TAPBPL: variants seen among roughly 807,000 people sequenced by gnomAD.
The protein encoded by TAPBPL is TAP binding protein like.
A neutral mutation model predicts 44.8 loss-of-function variants in TAPBPL; 32 were observed. That is an observed-to-expected ratio of 0.71 (90% CI 0.54 to 0.96). The LOEUF (loss-of-function observed/expected upper bound fraction) is 0.96, where lower values mean the gene tolerates loss of function less well. Ranked by LOEUF, TAPBPL falls within the 40% of genes least tolerant of loss-of-function variation. TAPBPL has a pLI of 0.00. For synonymous variants in TAPBPL, 230 were observed against 240.7 expected (o/e 0.96, Z 0.41); for missense variants, 520 against 586.6 (o/e 0.89, Z 1.17).
rs764881277 is a variant in TAPBPL at position 6,458,688 on chromosome 12, GC to G, written c.951del (p.Thr318ProfsTer16). 1 of 1,614,142 alleles carries G rather than the reference GC, an allele frequency of 6.2e-7. No individual in the cohort carries two copies. Among genetic ancestry groups the G allele is most frequent in the South Asian group, 1.1e-5 (1 of 91,080 alleles). On this transcript the variant is annotated frameshift_variant, in exon 5 of 7. Transcript: ENST00000266556. LOFTEE classifies it high-confidence loss of function. ...RLSLANEALL[P>X]TLICDIAGYY... Reference sequence around the variant, plus strand: ...TGAGCTTGGCAAACGAAGCTCTGCTGCCCACCCTCATCTGCGACATTGCTGG... The same window carrying G: ...TGAGCTTGGCAAACGAAGCTCTGCTGCCACCCTCATCTGCGACATTGCTGG...
chr12:6,460,816 G>A (rs1949836888), intron 5 of TAPBPL, 39 bp from the exon 6 acceptor site: 1 of 1,606,220 alleles, frequency 6.2e-7, no homozygotes, highest in Admixed American at 1.7e-5. Flanking sequence ...CATGATTCCT[G>A]CGCACGATGA....
chr12:6,463,378 G>A (rs531264176), downstream of TAPBPL: 205 of 1,087,916 alleles, frequency 1.9e-4, no homozygotes, highest in Middle Eastern at 1.3e-3. The surrounding 1 kb of genome is among the most constrained non-coding windows in gnomAD (Gnocchi z 4.0). Flanking sequence ...AGGATCGGCC[G>A]GGCCCCAGGA....
In TAPBPL at chr12:6,452,228, G is replaced by C. The variant is rs1316235337; in HGVS notation, c.-21G>C. 1 of 1,565,726 alleles carries C rather than the reference G, an allele frequency of 6.4e-7. No individual in the cohort carries two copies. The highest frequency in any genetic ancestry group is 2.3e-5 in the East Asian group (1 of 43,206). The stretch of plus-strand genomic sequence containing the variant: ...TGTGGAGAAGGGCGGTGGGCAAGGA[G>C]GGAACTCGAGAGCAGCCTCCATGGG... On this transcript the variant is annotated 5_prime_UTR_variant, in exon 1 of 7. Transcript: ENST00000266556.
chr12:6,464,352 G>A (rs763594674), downstream of TAPBPL: 161 of 1,551,324 alleles, frequency 1.0e-4, no homozygotes, highest in Middle Eastern at 1.2e-3. Context: ...AATGGGTGAT[G>A]GAGAAGCCTG....
chr12:6,465,045 A>G (rs772791679), downstream of TAPBPL: 45 of 1,545,396 alleles, frequency 2.9e-5, no homozygotes, highest in Non-Finnish European at 3.9e-5. Context: ...GGGACAATGG[A>G]AAAAACCACC....
At chr12:6,452,413 G>A (rs1949574658) in intron 1 of TAPBPL, 101 bp downstream of exon 1, 1 of 1,486,636 alleles carries the variant, frequency 6.7e-7, no homozygotes, top group East Asian at 2.5e-5. Context: ...GGCCGGGGAT[G>A]ACCCCATCGC....
At position 6,458,871 on chromosome 12, in the gene TAPBPL, T is replaced by A. The variant is rs138882385; in HGVS notation, c.1131T>A (p.Gly377=). The part of the protein sequence containing the change: ...SSLTAEPGSA[G]ATYTCQVTHI... ...TCACCGCAGAACCTGGCTCTGCAGG[T>A]GCCACTTACACCTGCCAGGTCACAC... The change falls in exon 5 of 7, where the codon GGT becomes GGA. Residue 377 remains glycine, a synonymous_variant. Transcript: ENST00000266556. 3.1e-6 allele frequency: 5 copies of A among 1,614,024 alleles called. No homozygotes were observed.
chr12:6,457,548 G>A lies in TAPBPL; in HGVS notation c.708G>A (p.Gln236=), dbSNP rs894047719. The change falls in exon 4 of 7, where the codon CAG becomes CAA. Residue 236 remains glutamine, a synonymous_variant. Coordinates refer to ENST00000266556, the MANE Select transcript of TAPBPL (RefSeq NM_018009.5). ...GACTGCAGCACAAGGGCAGGGGTCAGTTGGTGTACAGCTGGACCGCAGGGC... is the reference window on the plus strand; with the variant it reads ...GACTGCAGCACAAGGGCAGGGGTCAATTGGTGTACAGCTGGACCGCAGGGC... ...EWRLQHKGRG[Q]LVYSWTAGQG... is the part of the protein sequence containing the mutation. 5 of 1,614,248 alleles carry A rather than the reference G, an allele frequency of 3.1e-6. No individual in the cohort carries two copies. Among genetic ancestry groups the A allele is most frequent in the Non-Finnish European group, 4.2e-6 (5 of 1,180,038 alleles).
At chr12:6,460,737 C>A (rs1565520678) in intron 5 of TAPBPL, 118 bp from the exon 6 acceptor site, 1 of 924,306 alleles carries the variant, frequency 1.1e-6, no homozygotes, top group Non-Finnish European at 1.7e-6. Context: ...GGCTCCTCAA[C>A]CAGGGACTCA....
downstream of TAPBPL, chr12:6,470,864 G>C (rs1453402757): frequency 4.3e-6 from 2 of 462,762 alleles, no homozygotes; most frequent in Admixed American, 3.5e-5. Context: ...CGGTTGCTGT[G>C]AGGATCCTTC....
intron 1 of TAPBPL, 114 bp from the exon 2 acceptor site, chr12:6,452,953 C>T (rs1949596485): frequency 2.7e-6 from 3 of 1,124,350 alleles, no homozygotes; most frequent in Non-Finnish European, 3.7e-6. Flanking sequence ...CAGCTAGGAT[C>T]TTGGATGGCA....
chr12:6,465,719 A>T, downstream of TAPBPL: 1 of 1,339,926 alleles, frequency 7.5e-7, no homozygotes, highest in Non-Finnish European at 1.0e-6. Context: ...TTTCCTCCCA[A>T]GCGTTATGCT....
At chr12:6,465,200 G>C (rs1949973270), downstream of TAPBPL, 2 of 502,706 alleles carry the variant, frequency 4.0e-6, no homozygotes, top group Non-Finnish European at 7.2e-6. Context: ...TGGTGTCTTG[G>C]GGCTTTAGAA....
chr12:6,463,188 A>G (rs770179957), downstream of TAPBPL: 2 of 1,438,548 alleles, frequency 1.4e-6, no homozygotes, highest in Non-Finnish European at 1.8e-6. The surrounding 1 kb of genome is among the most constrained non-coding windows in gnomAD (Gnocchi z 4.0). Flanking sequence ...AAGGAGGCAA[A>G]GTAGAATTCA....
intron 3 of TAPBPL, among the ~76,000 whole-genome samples, chr12:6,456,428 G>T (rs912959586): frequency 6.7e-6 from 1 of 148,730 alleles, no homozygotes. Context: ...GCAATGGCTC[G>T]ATCTTGGCTC....
chr12:6,465,644 A>G (rs1950004410), downstream of TAPBPL, among the ~76,000 whole-genome samples: 1 of 151,854 alleles, frequency 6.6e-6, no homozygotes, highest in Admixed American at 6.6e-5. Context: ...TAGCGGTTCT[A>G]AATACTCTAG....
At position 6,457,720 on chromosome 12, in the gene TAPBPL, C is replaced by G. The variant is rs769518478; in HGVS notation, c.880C>G (p.Gln294Glu). 11 of 1,592,100 alleles carry G rather than the reference C, an allele frequency of 6.9e-6. No individual in the cohort carries two copies. The South Asian group carries it at 1.2e-4, about 18-fold the overall frequency. Residue 294 changes from glutamine (Q) to glutamate (E), a missense_variant, in exon 4 of 7, where the codon CAG becomes GAG. By Grantham distance (29) the Gln-to-Glu change is conservative. Coordinates refer to ENST00000266556, the MANE Select transcript of TAPBPL (RefSeq NM_018009.5). ...CACCACCTCTCTGTACCGAGCTCAG[C>G]AGATCATCCAGCTCAACATCCAAGG... ...QITTSLYRAQ[Q>E]IIQLNIQASP...
At chr12:6,460,441 ATT>A (rs537126352) in intron 5 of TAPBPL, among the ~76,000 whole-genome samples, 3 of 151,094 alleles carry the variant, frequency 2.0e-5, no homozygotes, top group Non-Finnish European at 4.4e-5. Flanking sequence ...AATTTTTTGT[ATT>A]TTTTGTACAG....
At chr12:6,462,691 T>C, downstream of TAPBPL, 1 of 932,790 alleles carries the variant, frequency 1.1e-6, no homozygotes, top group South Asian at 1.7e-5. Context: ...ACGGATTCGC[T>C]CCAGGCTTGG....
Sources: allele counts gnomAD v4.1 joint callset (sites outside exome capture counted in the v4.1 genomes callset), GRCh38; gene constraint gnomAD v4.1.1; non-coding constraint Gnocchi (gnomAD v3.1); transcripts MANE v1.5; gene names NCBI Gene and HGNC (gene_info 2026-07-23, HGNC 2026-07-21).